Variants in OR1I1 observed in about 807,000 individuals in gnomAD.
OR1I1 encodes olfactory receptor family 1 subfamily I member 1.
For synonymous variants in OR1I1, 171 were observed against 181.4 expected (o/e 0.94, Z 0.46); for missense variants, 451 against 443.6 (o/e 1.02, Z -0.15).
In OR1I1 at chr19:15,087,426, G is replaced by T; in HGVS notation, c.361G>T (p.Asp121Tyr). ...CTTTCTCCTGGCAGTAATGGCCATC[G>T]ACCGCTTCGTGGCCATTGTCCACCC... Reference protein sequence around the residue: ...DSFLLAVMAIDRFVAIVHPQR... With the variant: ...DSFLLAVMAIYRFVAIVHPQR... The change falls in exon 2 of 2, where the codon GAC (aspartate) becomes TAC (tyrosine). Residue 121 changes from aspartate to tyrosine, a missense_variant. By Grantham distance (160) the Asp-to-Tyr change is radical. Coordinates refer to ENST00000641398, the MANE Select transcript of OR1I1 (RefSeq NM_001004713.2). 6.2e-7 allele frequency: 1 copy of T among 1,614,008 alleles called. No homozygotes were observed. Among genetic ancestry groups the T allele is most frequent in the East Asian group, 2.2e-5 (1 of 44,872 alleles).
chr19:15,085,403 C>G (rs536414054), intron 1 of OR1I1, among the ~76,000 whole-genome samples: 19 of 151,742 alleles, frequency 1.3e-4, no homozygotes, highest in Admixed American at 3.3e-4. Context: ...AACTCCTGAC[C>G]TCAGGTGATC....
In OR1I1 at chr19:15,090,689, G is replaced by A. The variant is rs1325181106; in HGVS notation, c.*2556G>A. 9 of 151,512 alleles carry A rather than the reference G, an allele frequency of 5.9e-5. No individual in the cohort carries two copies. The highest frequency in any genetic ancestry group is 1.5e-5 in the Non-Finnish European group (1 of 67,974). The allele number at this position is 151,512 out of a possible 1,614,324, so 9.4% of individuals were successfully genotyped here. ...AAGTGCAACCTCACCTCAAACTCCT[G>A]GGCTCAAGCAATCCTCCTGCCTCAG... On this transcript the variant is annotated 3_prime_UTR_variant, in exon 2 of 2. Transcript: ENST00000641398.
chr19:15,083,365 G>C (rs997140911), intron 1 of OR1I1, among the ~76,000 whole-genome samples: 1 of 152,064 alleles, frequency 6.6e-6, no homozygotes, highest in Non-Finnish European at 1.5e-5. Flanking sequence ...CAAAGTGCTG[G>C]GATTACAGGT....
chr19:15,087,374 C>T lies in OR1I1; in HGVS notation c.309C>T (p.Ala103=). The stretch of plus-strand genomic sequence containing the variant: ...TGGGCTGCCTCACCCAGATGTATGC[C>T]TTCCACCTGTTCGGGACCATGGACA... ...PFVGCLTQMY[A]FHLFGTMDSF... Residue 103 remains alanine (A), a synonymous_variant, in exon 2 of 2, where the codon GCC becomes GCT. Coordinates refer to ENST00000641398, the MANE Select transcript of OR1I1 (RefSeq NM_001004713.2). 21 of 1,614,216 alleles carry T rather than the reference C, an allele frequency of 1.3e-5. No homozygotes were observed. Among genetic ancestry groups the T allele is most frequent in the Non-Finnish European group, 1.8e-5 (21 of 1,180,036 alleles).
Position 15,091,109 on chromosome 19 carries a change from AT to A in OR1I1, c.*2977del, listed in dbSNP as rs2046254707. On this transcript the variant is annotated 3_prime_UTR_variant, in exon 2 of 2. Coordinates refer to ENST00000641398, the MANE Select transcript of OR1I1 (RefSeq NM_001004713.2). ...ACTGGGTATCAGCATGATGACAATA[AT>A]GATGATGACAACCGAGATTTATTAT... The A allele has an allele frequency of 6.6e-6, 1 of 152,242 alleles. No homozygotes were observed. The highest frequency in any genetic ancestry group is 2.1e-4 in the South Asian group (1 of 4,830). The allele number at this position is 152,242 out of a possible 1,614,324, so 9.4% of individuals were successfully genotyped here.
intron 1 of OR1I1, among the ~76,000 whole-genome samples, chr19:15,085,129 C>CA (rs1568321764): frequency 1.8e-4 from 12 of 64,866 alleles, no homozygotes; most frequent in East Asian, 4.8e-4. Context: ...GCATTTTTGA[C>CA]TTATATATAT....
chr19:15,086,792 T>A (rs569897795), intron 1 of OR1I1, among the ~76,000 whole-genome samples: 1 of 152,222 alleles, frequency 6.6e-6, no homozygotes, highest in African/African-American at 2.4e-5. Context: ...GAAGCAAAAG[T>A]GTTTATAGAG....
At chr19:15,085,662 A>G (rs776068034) in intron 1 of OR1I1, among the ~76,000 whole-genome samples, 10 of 151,878 alleles carry the variant, frequency 6.6e-5, no homozygotes, top group Non-Finnish European at 1.5e-4. Flanking sequence ...GAAATTTTGT[A>G]TTCTTTGATC....
rs1230527691 is a variant in OR1I1, at chr19:15,092,791, T to C, written c.*4658T>C. ...GAGGAGGATTGCTTGAAGCCAGGAG[T>C]TCGAGACTGGAGTGGGCAACATAGT... On this transcript the variant is annotated 3_prime_UTR_variant, in exon 2 of 2. Coordinates refer to ENST00000641398, the MANE Select transcript of OR1I1 (RefSeq NM_001004713.2). 2.0e-5 allele frequency: 3 copies of C among 151,702 alleles called. No homozygotes were observed. Among genetic ancestry groups the C allele is most frequent in the Non-Finnish European group, 4.4e-5 (3 of 67,962 alleles). The allele number at this position is 151,702 out of a possible 1,614,324, so 9.4% of individuals were successfully genotyped here.
At chr19:15,085,153 TA>T (rs1568321827) in intron 1 of OR1I1, among the ~76,000 whole-genome samples, 3,586 of 54,082 alleles carry the variant, frequency 0.066, 353 homozygotes, top group Non-Finnish European at 0.085. Context: ...TATATATATA[TA>T]TATATATATA....
chr19:15,086,369 G>A (rs953651995), intron 1 of OR1I1, among the ~76,000 whole-genome samples: 13 of 151,958 alleles, frequency 8.6e-5, no homozygotes, highest in Admixed American at 2.6e-4. Context: ...GGAAGAGAAG[G>A]AAAAACAGAA....
intron 1 of OR1I1, among the ~76,000 whole-genome samples, chr19:15,082,764 T>C (rs1304195956): frequency 9.0e-6 from 1 of 110,542 alleles, no homozygotes; most frequent in East Asian, 2.8e-4. Flanking sequence ...GTATGATGAG[T>C]TTGGGAGCGG....
intron 1 of OR1I1, among the ~76,000 whole-genome samples, chr19:15,084,961 G>A (rs1444680926): frequency 6.6e-6 from 1 of 151,444 alleles, no homozygotes; most frequent in East Asian, 1.9e-4. Context: ...TGCAGCCTGG[G>A]TGACAGAGTG....
In OR1I1 at chr19:15,087,110, G is replaced by C. The variant is rs759759693; in HGVS notation, c.45G>C (p.Gln15His). The change falls in exon 2 of 2, where the codon CAG becomes CAC. Residue 15 changes from glutamine (Q) to histidine (H), a missense_variant. By Grantham distance (24) the Gln-to-His change is conservative. Transcript: ENST00000641398. ...KQTEISEFFL[Q>H]GLSEKPEHQT... ...CCGAAATCTCAGAATTCTTCCTCCA[G>C]GGACTCTCAGAAAAGCCAGAGCATC... 12 of 1,613,866 alleles carry C rather than the reference G, an allele frequency of 7.4e-6. No individual in the cohort carries two copies. Among genetic ancestry groups the C allele is most frequent in the Non-Finnish European group, 5.9e-6 (7 of 1,179,988 alleles).
Position 15,088,731 on chromosome 19 carries a change from G to GGGTGGATA in OR1I1, c.*599_*600insGTGGATAG, listed in dbSNP as rs2046242536. On this transcript the variant is annotated 3_prime_UTR_variant, in exon 2 of 2. Coordinates refer to ENST00000641398, the MANE Select transcript of OR1I1 (RefSeq NM_001004713.2). ...AGATAGACAGACAGATAGATAGAGAGGATAAGATAAGATAGGTAGATAGGG... is the reference window on the plus strand; with the variant it reads ...AGATAGACAGACAGATAGATAGAGAGGGTGGATAGATAAGATAAGATAGGTAGATAGGG... 2.0e-5 allele frequency: 3 copies of GGGTGGATA among 146,770 alleles called. No individual in the cohort carries two copies. Among genetic ancestry groups the GGGTGGATA allele is most frequent in the African/African-American group, 5.0e-5 (2 of 39,820 alleles). The allele number at this position is 146,770 out of a possible 1,614,324, so 9.1% of individuals were successfully genotyped here.
intron 1 of OR1I1, among the ~76,000 whole-genome samples, chr19:15,086,188 C>A (rs534670565): frequency 1.3e-5 from 2 of 152,110 alleles, no homozygotes; most frequent in South Asian, 4.1e-4. Flanking sequence ...GTGGTGCGTG[C>A]CTGTAATCCC....
Position 15,090,714 on chromosome 19 carries a change from GCCTCCT to G in OR1I1, c.*2582_*2587del, listed in dbSNP as rs2046253117. 6.6e-6 allele frequency: 1 copy of G among 152,288 alleles called. No individual in the cohort carries two copies. The highest frequency in any genetic ancestry group is 6.6e-5 in the Admixed American group (1 of 15,254). 9.4% of individuals were successfully genotyped at this position (152,288 alleles called of 1,614,324 possible). A position where few individuals can be genotyped will look rare whatever the true frequency, so the allele number is the denominator to read the frequency against. On this transcript the variant is annotated 3_prime_UTR_variant, in exon 2 of 2. Transcript: ENST00000641398. Reference sequence around the variant, plus strand: ...GGGCTCAAGCAATCCTCCTGCCTCAGCCTCCTGAGTAGTTGGGACTACAGGCCTATG... The same window carrying G: ...GGGCTCAAGCAATCCTCCTGCCTCAGGAGTAGTTGGGACTACAGGCCTATG...
Position 15,091,892 on chromosome 19 carries a change from T to TG in OR1I1, c.*3764dup, listed in dbSNP as rs971088567. Reference sequence around the variant, plus strand: ...AAAGTTTGAGCATCACTGGGCTAGATGGGGGTCCTGTAGATAACCGGGACC... The same window carrying TG: ...AAAGTTTGAGCATCACTGGGCTAGATGGGGGGTCCTGTAGATAACCGGGACC... On this transcript the variant is annotated 3_prime_UTR_variant, in exon 2 of 2. Transcript: ENST00000641398. 6.8e-6 allele frequency: 1 copy of TG among 145,990 alleles called. No individual in the cohort carries two copies. The highest frequency in any genetic ancestry group is 2.6e-5 in the African/African-American group (1 of 39,078). 9.0% of individuals were successfully genotyped at this position (145,990 alleles called of 1,614,324 possible). A position where few individuals can be genotyped will look rare whatever the true frequency, so the allele number is the denominator to read the frequency against.
Position 15,092,119 on chromosome 19 carries a change from G to GTTTTTTT in OR1I1, c.*3988_*3989insTTTTTTT, listed in dbSNP as rs1568323806. ...TTTTTTTTTTTTTTTTTGGTTTTTG[G>GTTTTTTT]TTGTTTTTTTTTTTTCCCCGGAAAC... On this transcript the variant is annotated 3_prime_UTR_variant, in exon 2 of 2. Coordinates refer to ENST00000641398, the MANE Select transcript of OR1I1 (RefSeq NM_001004713.2). The GTTTTTTT allele has an allele frequency of 2.2e-4, 5 of 23,238 alleles. 1 individual carries two copies. Among genetic ancestry groups the GTTTTTTT allele is most frequent in the African/African-American group, 4.0e-4 (3 of 7,582 alleles). The allele number at this position is 23,238 out of a possible 1,614,324, so 1.4% of individuals were successfully genotyped here. A position where few individuals can be genotyped will look rare whatever the true frequency, so the allele number is the denominator to read the frequency against.
Sources: gnomAD v4.1 joint callset for allele counts (sites outside exome capture counted in the v4.1 genomes callset) on GRCh38, gnomAD v4.1.1 for gene constraint, MANE v1.5 for transcripts, NCBI Gene and HGNC (gene_info 2026-07-23, HGNC 2026-07-21) for gene names.